Variants in P4HA3 observed in about 807,000 individuals in gnomAD.
The protein encoded by P4HA3 is prolyl 4-hydroxylase subunit alpha-3.
P4HA3 carries 60 observed loss-of-function variants against 66.7 expected under a neutral mutation model. The ratio of observed to expected loss-of-function variants is 0.90; its 90% confidence interval spans 0.73 to 1.12. The LOEUF (loss-of-function observed/expected upper bound fraction) is 1.12, where lower values mean the gene tolerates loss of function less well. Ranked by LOEUF, P4HA3 falls within the 50% of genes most tolerant of loss-of-function variation. The pLI, the probability that P4HA3 is intolerant of heterozygous loss-of-function variation, is 0.00. For missense variants in P4HA3, 683 were observed against 685.8 expected, an observed-to-expected ratio of 1.00 and a Z score of 0.05; for synonymous variants, 263 against 274.6, an observed-to-expected ratio of 0.96 and a Z score of 0.42.
In P4HA3 at chr11:74,296,928, TTTTTTC is replaced by T. The variant is rs1405700305; in HGVS notation, c.717+1278_717+1283del. On this transcript the variant is annotated intron_variant, in intron 4 of 12. Transcript: ENST00000331597. ...AGCACATACACAGTTTTTTTTTTCT[TTTTTTC>T]TTTTTTTTTTTTTTTTGAGATGCAG... is the stretch of plus-strand genomic sequence containing the variant. Among the ~76,000 whole-genome samples, 7 of 136,846 alleles carry T rather than the reference TTTTTTC, an allele frequency of 5.1e-5. No homozygotes were observed. The East Asian group carries it at 1.4e-3, about 27-fold the overall frequency. The allele number at this position is 136,846 out of a possible 152,430, so 89.8% of individuals were successfully genotyped here.
chr11:74,257,918 G>T (rs1027566707), intron 15 of P4HA3, among the ~76,000 whole-genome samples: 7 of 152,070 alleles, frequency 4.6e-5, no homozygotes, highest in African/African-American at 1.4e-4. Context: ...AAAAGTGAGG[G>T]GCCAAGAACC....
chr11:74,295,296 A>G (rs996818781), intron 4 of P4HA3, among the ~76,000 whole-genome samples: 1 of 152,144 alleles, frequency 6.6e-6, no homozygotes. Flanking sequence ...AGTGCACAGG[A>G]ATTAACTCTC....
intron 4 of P4HA3, among the ~76,000 whole-genome samples, chr11:74,294,493 G>A (rs151090863): frequency 0.04 from 6,047 of 152,276 alleles, 125 homozygotes; most frequent in Middle Eastern, 0.11. Context: ...CTGGTGAGGA[G>A]CTCTGTTCCT....
At chr11:74,298,435 A>G (rs1462788042) in intron 3 of P4HA3, 74 bp from the exon 4 acceptor site, 1 of 1,521,840 alleles carries the variant, frequency 6.6e-7, no homozygotes, top group Non-Finnish European at 8.8e-7. Flanking sequence ...TTCAAAGAAT[A>G]AGAGGGACTT....
chr11:74,265,766 G>C (rs1205502494), downstream of P4HA3, among the ~76,000 whole-genome samples: 2 of 152,198 alleles, frequency 1.3e-5, no homozygotes, highest in Non-Finnish European at 2.9e-5. Context: ...CAAGAGGAAT[G>C]AAGAGCACAG....
Position 74,266,828 on chromosome 11 carries a change from T to A in P4HA3, c.*420A>T. The A allele has an allele frequency of 1.7e-6, 1 of 573,288 alleles. No homozygotes were observed. The highest frequency in any genetic ancestry group is 3.0e-6 in the Non-Finnish European group (1 of 333,686). The allele number at this position is 573,288 out of a possible 1,614,324, so 35.5% of individuals were successfully genotyped here. On this transcript the variant is annotated 3_prime_UTR_variant, in exon 13 of 13. Transcript: ENST00000331597. ...GCAGCAGAAGGCAGTGGGGAGAAAGTCTTAAAGTTCTGGGAGTCAGGCTAG... is the reference window on the plus strand; with the variant it reads ...GCAGCAGAAGGCAGTGGGGAGAAAGACTTAAAGTTCTGGGAGTCAGGCTAG...
intron 1 of P4HA3, among the ~76,000 whole-genome samples, chr11:74,307,726 C>A (rs1003372458): frequency 1.3e-5 from 2 of 152,212 alleles, no homozygotes; most frequent in Admixed American, 1.3e-4. Flanking sequence ...CAGATCCTTT[C>A]CTTCAAGAAT....
intron 10 of P4HA3, 51 bp downstream of exon 10, chr11:74,273,494 A>C: frequency 5.2e-6 from 7 of 1,345,274 alleles, no homozygotes; most frequent in Non-Finnish European, 6.9e-6. Flanking sequence ...ACAATAAAAT[A>C]AAGTAGAGCT....
chr11:74,310,927 C>T (rs757744583), intron 1 of P4HA3, among the ~76,000 whole-genome samples: 17 of 152,150 alleles, frequency 1.1e-4, no homozygotes, highest in Non-Finnish European at 1.0e-4. Context: ...AAAGCGTCAC[C>T]GTATTCTCTC....
chr11:74,259,608 C>T (rs779072954), intron 15 of P4HA3, among the ~76,000 whole-genome samples: 24 of 152,162 alleles, frequency 1.6e-4, no homozygotes, highest in Non-Finnish European at 2.9e-4. Flanking sequence ...CTCCTGCCTG[C>T]GTCCCCAAGC....
chr11:74,289,664 C>A (rs1860939282), intron 4 of P4HA3, among the ~76,000 whole-genome samples: 2 of 142,096 alleles, frequency 1.4e-5, no homozygotes, highest in Non-Finnish European at 3.0e-5. Context: ...TCTCATTGTT[C>A]AATTCCCACC....
chr11:74,267,038 C>T lies in P4HA3; in HGVS notation c.*210G>A, dbSNP rs1860010043. ...CCTCCTTTGTACTGTGCATCCTACT[C>T]TGACTTCCGTGGCTGGGGCAGATCA... On this transcript the variant is annotated 3_prime_UTR_variant, in exon 13 of 13. Coordinates refer to ENST00000331597, the MANE Select transcript of P4HA3 (RefSeq NM_182904.5). 1 of 1,534,652 alleles carries T rather than the reference C, an allele frequency of 6.5e-7. No homozygotes were observed. The highest frequency in any genetic ancestry group is 1.4e-5 in the African/African-American group (1 of 73,040).
At chr11:74,287,116 CTGTT>C in intron 5 of P4HA3, 1 of 1,196,050 alleles carries the variant, frequency 8.4e-7, no homozygotes. Context: ...TTGTGCCCAC[CTGTT>C]TGTACCCACT....
Position 74,287,157 on chromosome 11 carries a change from G to A in P4HA3, c.770-766C>T, listed in dbSNP as rs114775602. Reference sequence around the variant, plus strand: ...TGGCTGCAAGATGCCCCATGCATTGGCAGAGCTACCCGTGGCCTGCTGGCC... The same window carrying A: ...TGGCTGCAAGATGCCCCATGCATTGACAGAGCTACCCGTGGCCTGCTGGCC... On this transcript the variant is annotated intron_variant, in intron 5 of 12. Coordinates refer to ENST00000331597, the MANE Select transcript of P4HA3 (RefSeq NM_182904.5). 520 of 1,245,460 alleles carry A rather than the reference G, an allele frequency of 4.2e-4. 5 individuals are homozygous for A. In the African/African-American group the frequency reaches 7.4e-3, roughly 18 times the overall value. 77.2% of individuals were successfully genotyped at this position (1,245,460 alleles called of 1,614,324 possible). A position where few individuals can be genotyped will look rare whatever the true frequency, so the allele number is the denominator to read the frequency against.
rs867778639 is a variant in P4HA3 at position 74,311,430 on chromosome 11, C to A, written c.182G>T (p.Arg61Leu). The change falls in exon 1 of 13, where the codon CGG becomes CTG. Residue 61 changes from arginine to leucine, a missense_variant. Transcript: ENST00000331597. Reference sequence around the variant, plus strand: ...CCCTCACCTAGTCAGGTCCCGCAGCCGCGCCTCCTCCCCGCGCAGGTACCG... The same window carrying A: ...CCCTCACCTAGTCAGGTCCCGCAGCAGCGCCTCCTCCCCGCGCAGGTACCG... ...LRRYLRGEEA[R>L]LRDLTRFYDK... is the part of the protein sequence containing the mutation. 1.3e-6 allele frequency: 2 copies of A among 1,531,732 alleles called. No homozygotes were observed. The highest frequency in any genetic ancestry group is 2.4e-5 in the South Asian group (2 of 82,096). 94.9% of individuals were successfully genotyped at this position (1,531,732 alleles called of 1,614,324 possible).
intron 3 of P4HA3, among the ~76,000 whole-genome samples, chr11:74,301,895 T>G (rs1423191679): frequency 6.6e-6 from 1 of 152,182 alleles, no homozygotes; most frequent in African/African-American, 2.4e-5. Context: ...GGAGGCTGTT[T>G]CCGTGATCTT....
At position 74,289,266 on chromosome 11, in the gene P4HA3, C is replaced by T. The variant is rs556436437; in HGVS notation, c.718-136G>A. ...AGATAATAAGGCTCACTGAAAGGAA[C>T]AGCAGACCAGAAATGCAGAGGATCT... On this transcript the variant is annotated intron_variant, in intron 4 of 12. Coordinates refer to ENST00000331597, the MANE Select transcript of P4HA3 (RefSeq NM_182904.5). The T allele has an allele frequency of 2.1e-4, 154 of 722,758 alleles. No homozygotes were observed. The African/African-American group carries it at 2.5e-3, about 12-fold the overall frequency. The allele number at this position is 722,758 out of a possible 1,614,324, so 44.8% of individuals were successfully genotyped here.
intron 5 of P4HA3, 70 bp from the exon 6 acceptor site, chr11:74,286,461 G>T: frequency 7.1e-7 from 1 of 1,405,876 alleles, no homozygotes. Context: ...GTGCCACCAA[G>T]GTTTCCTCCA....
chr11:74,253,471 T>C lies in P4HA3; in HGVS notation c.*1319-5470A>G, dbSNP rs1398159853. On this transcript the variant is annotated intron_variant and NMD_transcript_variant, in intron 15 of 15. Coordinates refer to the P4HA3 transcript ENST00000524388. ...ATTGATAGTTACATTTGTTTTTCCT[T>C]CTCTTTCTGTTCTTCCACAGTGTGT... The C allele has an allele frequency of 3.1e-6, 5 of 1,601,840 alleles. No individual in the cohort carries two copies. The South Asian group carries it at 5.5e-5, about 18-fold the overall frequency.
Sources: gnomAD v4.1 joint callset for allele counts (sites outside exome capture counted in the v4.1 genomes callset) on GRCh38, gnomAD v4.1.1 for gene constraint, MANE v1.5 for transcripts, NCBI Gene and HGNC (gene_info 2026-07-23, HGNC 2026-07-21) for gene names.